KLHL13: variants seen among roughly 807,000 people sequenced by gnomAD.
The protein encoded by KLHL13 is kelch-like protein 13.
KLHL13 carries 10 observed loss-of-function variants against 37.1 expected under a neutral mutation model. That is an observed-to-expected ratio of 0.27 (90% CI 0.17 to 0.46). KLHL13 has a LOEUF of 0.46. Among genes scored for constraint, KLHL13 ranks in the 20% least tolerant of loss-of-function variants. The pLI, the probability that KLHL13 is intolerant of heterozygous loss-of-function variation, is 1.00. For synonymous variants in KLHL13, 163 were observed against 181.2 expected, an observed-to-expected ratio of 0.90 and a Z score of 0.81; for missense variants, 360 against 509.3, an observed-to-expected ratio of 0.71 and a Z score of 2.82.
At chrX:117,969,672 T>C (rs2053490838) in intron 1 of KLHL13, among the ~76,000 whole-genome samples, 1 of 111,730 alleles carries the variant, frequency 9.0e-6, no homozygotes, top group Admixed American at 9.6e-5. Flanking sequence ...AAAGAATATG[T>C]CTACCCAATA....
chrX:118,063,336 G>T (rs1462666084), intron 1 of KLHL13, among the ~76,000 whole-genome samples: 3 of 111,232 alleles, frequency 2.7e-5, no homozygotes, highest in Non-Finnish European at 5.7e-5. Context: ...AGCTTCAGAA[G>T]AAGAAAACTG....
intron 1 of KLHL13, among the ~76,000 whole-genome samples, chrX:117,970,732 G>A (rs1017609200): frequency 6.3e-5 from 7 of 111,284 alleles, no homozygotes; most frequent in African/African-American, 2.3e-4. Flanking sequence ...TTAAAAACCT[G>A]ATTTAAACTC....
chrX:117,979,021 CCCAGG>C (rs2053628755), intron 1 of KLHL13, among the ~76,000 whole-genome samples: 1 of 111,028 alleles, frequency 9.0e-6, no homozygotes, highest in Admixed American at 9.6e-5. Flanking sequence ...ACTTCCGCCT[CCCAGG>C]TTCAAGCAAT....
chrX:117,921,903 C>G (rs142648577), intron 2 of KLHL13, among the ~76,000 whole-genome samples: 2,243 of 112,061 alleles, frequency 0.02, 24 homozygotes, highest in Middle Eastern at 0.061. Context: ...ATTATACATA[C>G]ACTTTAAAAC....
At chrX:117,901,163 CATT>C (rs1930061182) in intron 6 of KLHL13, among the ~76,000 whole-genome samples, 1 of 111,479 alleles carries the variant, frequency 9.0e-6, no homozygotes, top group Non-Finnish European at 1.9e-5. Flanking sequence ...AGAGAATGAA[CATT>C]ATTATGTACT....
At chrX:117,995,339 T>C (rs1272012574) in intron 1 of KLHL13, among the ~76,000 whole-genome samples, 1 of 112,119 alleles carries the variant, frequency 8.9e-6, no homozygotes, top group Non-Finnish European at 1.9e-5. Context: ...ATCATCCTAT[T>C]CCCCATAAAA....
chrX:117,964,362 T>A (rs1158298313), intron 1 of KLHL13, among the ~76,000 whole-genome samples: 1 of 112,126 alleles, frequency 8.9e-6, no homozygotes, highest in Admixed American at 9.4e-5. Flanking sequence ...AGCAAGAATT[T>A]ATTTAACCTG....
intron 1 of KLHL13, among the ~76,000 whole-genome samples, chrX:118,097,332 G>C (rs1369418319): frequency 9.0e-6 from 1 of 111,409 alleles, no homozygotes; most frequent in African/African-American, 3.3e-5. Context: ...ATTCACAATT[G>C]CTTCAAAGAG....
At chrX:117,913,032 A>G (rs1226344738) in intron 4 of KLHL13, among the ~76,000 whole-genome samples, 1 of 112,473 alleles carries the variant, frequency 8.9e-6, no homozygotes, top group African/African-American at 3.2e-5. Context: ...CTTAGCAAGT[A>G]TATGTAATCA....
chrX:118,073,972 C>T (rs775584155), intron 1 of KLHL13, among the ~76,000 whole-genome samples: 18 of 111,840 alleles, frequency 1.6e-4, no homozygotes, highest in Middle Eastern at 4.7e-3. Context: ...AACTGGGGTC[C>T]TCATAGCTAA....
At chrX:117,904,157 T>G (rs1222726548) in intron 5 of KLHL13, among the ~76,000 whole-genome samples, 8 of 110,997 alleles carry the variant, frequency 7.2e-5, no homozygotes, top group Non-Finnish European at 1.3e-4. Flanking sequence ...TCCATCATTC[T>G]TAAGCTTTTT....
At chrX:117,925,546 T>A (rs919344127) in intron 2 of KLHL13, among the ~76,000 whole-genome samples, 14 of 111,985 alleles carry the variant, frequency 1.3e-4, no homozygotes, top group African/African-American at 4.5e-4. Context: ...AAGGAACAGA[T>A]GCACTTAAGT....
intron 1 of KLHL13, among the ~76,000 whole-genome samples, chrX:118,096,811 G>A (rs911416046): frequency 5.4e-5 from 6 of 111,571 alleles, no homozygotes; most frequent in Non-Finnish European, 1.1e-4. Context: ...CATATAAACA[G>A]AACCAACGAC....
chrX:118,027,431 G>A (rs2497845), intron 1 of KLHL13, among the ~76,000 whole-genome samples: 1 of 110,373 alleles, frequency 9.1e-6, no homozygotes, highest in Non-Finnish European at 1.9e-5. Flanking sequence ...TTCCCAGGAC[G>A]CTCAGTTCTT....
chrX:117,930,314 C>A (rs868266594), intron 2 of KLHL13, among the ~76,000 whole-genome samples: 19 of 102,436 alleles, frequency 1.9e-4, no homozygotes, highest in African/African-American at 5.9e-4. Flanking sequence ...GGCAGGCAGG[C>A]AGGCAGGAAG....
At chrX:118,032,419 GT>G (rs1569297837) in intron 1 of KLHL13, among the ~76,000 whole-genome samples, 11 of 111,966 alleles carry the variant, frequency 9.8e-5, no homozygotes, top group African/African-American at 1.3e-4. Flanking sequence ...GCCTCTTCAA[GT>G]GGGTCCCTGA....
Position 118,011,942 on chromosome X carries a change from A to G in KLHL13, c.-55-66367T>C, listed in dbSNP as rs73597413. Among the ~76,000 whole-genome samples the G allele has an allele frequency of 5.9e-3, 664 of 112,642 alleles. 9 individuals are homozygous for G. Among genetic ancestry groups the G allele is most frequent in the African/African-American group, 0.02 (628 of 31,067 alleles). ...TTATACAATTGGATAAGAAAAATAT[A>G]GATAAATATTTGAATATTCAATTTT... is the stretch of plus-strand genomic sequence containing the variant. On this transcript the variant is annotated intron_variant, in intron 1 of 6. Transcript: ENST00000371882.
chrX:118,106,853 G>C (rs1476755500), intron 1 of KLHL13, among the ~76,000 whole-genome samples: 1 of 111,978 alleles, frequency 8.9e-6, no homozygotes, highest in Non-Finnish European at 1.9e-5. Flanking sequence ...ATTTATCAAA[G>C]GTACTATCAA....
intron 1 of KLHL13, among the ~76,000 whole-genome samples, chrX:117,960,168 T>C (rs973339921): frequency 9.0e-6 from 1 of 110,724 alleles, no homozygotes; most frequent in Non-Finnish European, 1.9e-5. Flanking sequence ...GGGGATAGCT[T>C]GAGGCTAGGA....
Sources: allele counts gnomAD v4.1 joint callset (sites outside exome capture counted in the v4.1 genomes callset), GRCh38; gene constraint gnomAD v4.1.1; transcripts MANE v1.5; gene names NCBI Gene and HGNC (gene_info 2026-07-23, HGNC 2026-07-21).